CREB3L2: variants seen among roughly 807,000 people sequenced by gnomAD.
CREB3L2 encodes cyclic AMP-responsive element-binding protein 3-like protein 2.
Under a neutral mutation model 57.2 loss-of-function variants are expected in CREB3L2, and 23 were observed. That is an observed-to-expected ratio of 0.40 (90% CI 0.29 to 0.57). The LOEUF (loss-of-function observed/expected upper bound fraction) is 0.57. CREB3L2 is among the 20% of genes least tolerant of loss of function. The pLI is 0.42. For missense variants in CREB3L2, 628 were observed against 634.7 expected (o/e 0.99, Z 0.11); for synonymous variants, 268 against 265.1 (o/e 1.01, Z -0.11).
intron 1 of CREB3L2, among the ~76,000 whole-genome samples, chr7:137,929,880 A>AT (rs1800576744): frequency 6.7e-6 from 1 of 150,096 alleles, no homozygotes; most frequent in East Asian, 2.0e-4. Flanking sequence ...AAATAAATAA[A>AT]TAAATTAATT....
At chr7:137,921,046 G>A (rs1251547197) in intron 2 of CREB3L2, among the ~76,000 whole-genome samples, 1 of 152,150 alleles carries the variant, frequency 6.6e-6, no homozygotes, top group Non-Finnish European at 1.5e-5. Flanking sequence ...GGGCCACCCT[G>A]GCTTAGAACT....
rs975080768 is a variant in CREB3L2 at position 137,878,868 on chromosome 7, C to G, written c.*1608G>C. On this transcript the variant is annotated 3_prime_UTR_variant, in exon 12 of 12. Coordinates refer to ENST00000330387, the MANE Select transcript of CREB3L2 (RefSeq NM_194071.4). ...ATGGAAGCCAGGGTGTGGGCTTAAT[C>G]CCTCTAAGTACAGGCTCCAATAACA... 2.5e-4 allele frequency: 82 copies of G among 327,172 alleles called. No homozygotes were observed. The highest frequency in any genetic ancestry group is 4.3e-4 in the Non-Finnish European group (75 of 174,654). The allele number at this position is 327,172 out of a possible 1,614,324, so 20.3% of individuals were successfully genotyped here. A position where few individuals can be genotyped will look rare whatever the true frequency, so the allele number is the denominator to read the frequency against.
At chr7:137,916,163 T>C (rs765907588) in intron 2 of CREB3L2, 151 bp from the exon 3 acceptor site, 24 of 588,996 alleles carry the variant, frequency 4.1e-5, no homozygotes, top group Non-Finnish European at 5.8e-5. Context: ...AGGGAAAAGA[T>C]TGATAGATAT....
chr7:137,976,459 T>G (rs1585671716), intron 1 of CREB3L2, among the ~76,000 whole-genome samples: 1 of 102,242 alleles, frequency 9.8e-6, no homozygotes, highest in South Asian at 2.9e-4. Flanking sequence ...GTTATGTTTG[T>G]TTTTTTCCCA....
intron 1 of CREB3L2, among the ~76,000 whole-genome samples, chr7:137,941,455 C>T (rs1800878341): frequency 6.6e-6 from 1 of 152,200 alleles, no homozygotes. Context: ...GCTGTCCGCT[C>T]CTGCATGTTC....
At chr7:137,918,196 T>TTTTTTG (rs1554497472) in intron 2 of CREB3L2, among the ~76,000 whole-genome samples, 27 of 150,888 alleles carry the variant, frequency 1.8e-4, no homozygotes, top group Non-Finnish European at 3.5e-4. Flanking sequence ...ATGCTTTTGC[T>TTTTTTG]TTTTGTTTTG....
rs1799138639 is a variant in CREB3L2 at position 137,875,893 on chromosome 7, T to C, written c.*4583A>G. On this transcript the variant is annotated 3_prime_UTR_variant, in exon 12 of 12. Coordinates refer to ENST00000330387, the MANE Select transcript of CREB3L2 (RefSeq NM_194071.4). ...AAATAAAACATTCCTGAATTTTATG[T>C]TGTCCAAAATAACAAAACAAAACAA... is the stretch of plus-strand genomic sequence containing the variant. 4.4e-6 allele frequency: 1 copy of C among 225,446 alleles called. No homozygotes were observed. Among genetic ancestry groups the C allele is most frequent in the Non-Finnish European group, 8.8e-6 (1 of 113,196 alleles). The allele number at this position is 225,446 out of a possible 1,614,324, so 14.0% of individuals were successfully genotyped here.
At chr7:137,899,609 G>C (rs189837613) in intron 8 of CREB3L2, among the ~76,000 whole-genome samples, 40 of 152,270 alleles carry the variant, frequency 2.6e-4, no homozygotes, top group African/African-American at 9.1e-4. Flanking sequence ...GCAGACTAAC[G>C]GCCAAAGGCA....
intron 1 of CREB3L2, among the ~76,000 whole-genome samples, chr7:137,934,890 C>T (rs1411723076): frequency 6.6e-6 from 1 of 152,234 alleles, no homozygotes; most frequent in Non-Finnish European, 1.5e-5. Context: ...TCAGAGAATA[C>T]ACATGGCAAC....
At chr7:137,882,872 C>T (rs969792443) in intron 10 of CREB3L2, among the ~76,000 whole-genome samples, 1 of 151,858 alleles carries the variant, frequency 6.6e-6, no homozygotes, top group Non-Finnish European at 1.5e-5. Context: ...AAACACAAGG[C>T]AAACTACCAC....
rs1352330318 is a variant in CREB3L2 at position 137,901,360 on chromosome 7, G to C, written c.1037C>G (p.Thr346Ser). ...TCAGTCCAGTGACACTTACCTATTA[G>C]TGTTCTCTAGAACCTCTACCTTCTT... ...LRKKVEVLEN[T>S]NRTLLQQLQK... The change falls in exon 8 of 12, where the codon ACT becomes AGT. Residue 346 changes from threonine (T) to serine (S), a missense_variant. Physicochemically the swap from Thr to Ser is moderately conservative, Grantham distance 58. Transcript: ENST00000330387. The C allele has an allele frequency of 6.3e-7, 1 of 1,580,988 alleles. No homozygotes were observed. Among genetic ancestry groups the C allele is most frequent in the Non-Finnish European group, 8.7e-7 (1 of 1,150,600 alleles).
chr7:137,968,038 C>T (rs1390127444), intron 1 of CREB3L2, among the ~76,000 whole-genome samples: 1 of 152,188 alleles, frequency 6.6e-6, no homozygotes, highest in Non-Finnish European at 1.5e-5. Context: ...ATAACCTTCC[C>T]AAGATCACAC....
At chr7:137,932,067 C>T (rs542938355) in intron 1 of CREB3L2, among the ~76,000 whole-genome samples, 43 of 152,284 alleles carry the variant, frequency 2.8e-4, no homozygotes, top group South Asian at 6.2e-4. Flanking sequence ...ACTACATATG[C>T]ATGTATCCAT....
At chr7:137,970,090 A>G (rs1396186768) in intron 1 of CREB3L2, among the ~76,000 whole-genome samples, 1 of 152,196 alleles carries the variant, frequency 6.6e-6, no homozygotes, top group Non-Finnish European at 1.5e-5. Context: ...GGCTGCCTAC[A>G]CTGGAATACC....
chr7:137,883,496 T>C (rs1029296538), intron 10 of CREB3L2, among the ~76,000 whole-genome samples: 17 of 152,238 alleles, frequency 1.1e-4, no homozygotes, highest in African/African-American at 4.1e-4. Context: ...TATGGGCATA[T>C]AGCATGTAGG....
chr7:137,962,287 G>T (rs1585661248), intron 1 of CREB3L2, among the ~76,000 whole-genome samples: 1 of 152,180 alleles, frequency 6.6e-6, no homozygotes, highest in South Asian at 2.1e-4. Context: ...TCTGACTTTG[G>T]AACTGTTCCC....
In CREB3L2 at chr7:137,875,532, C is replaced by G. The variant is rs893487044; in HGVS notation, c.*4944G>C. Reference sequence around the variant, plus strand: ...AGCTGGAACTCACAGAAGATTGGAACAAAAAGATAGGAGATGGACACCTGG... The same window carrying G: ...AGCTGGAACTCACAGAAGATTGGAAGAAAAAGATAGGAGATGGACACCTGG... On this transcript the variant is annotated 3_prime_UTR_variant, in exon 12 of 12. Transcript: ENST00000330387. 50 of 223,020 alleles carry G rather than the reference C, an allele frequency of 2.2e-4. No homozygotes were observed. The highest frequency in any genetic ancestry group is 1.1e-3 in the African/African-American group (48 of 44,860). The allele number at this position is 223,020 out of a possible 1,614,324, so 13.8% of individuals were successfully genotyped here. A position where few individuals can be genotyped will look rare whatever the true frequency, so the allele number is the denominator to read the frequency against.
intron 1 of CREB3L2, among the ~76,000 whole-genome samples, chr7:137,982,274 G>A (rs896939997): frequency 6.6e-6 from 1 of 152,164 alleles, no homozygotes; most frequent in African/African-American, 2.4e-5. Flanking sequence ...CCTTCAGTCT[G>A]TAGGTTTTCA....
intron 3 of CREB3L2, 41 bp from the exon 4 acceptor site, chr7:137,913,119 AC>A: frequency 6.3e-7 from 1 of 1,594,088 alleles, no homozygotes; most frequent in Non-Finnish European, 8.6e-7. Flanking sequence ...AAAACCAATC[AC>A]AGCCTTGAAG....
Sources: gnomAD v4.1 joint callset for allele counts (sites outside exome capture counted in the v4.1 genomes callset) on GRCh38, gnomAD v4.1.1 for gene constraint, MANE v1.5 for transcripts, NCBI Gene and HGNC (gene_info 2026-07-23, HGNC 2026-07-21) for gene names.